Variants in SNTG1 observed in about 807,000 individuals in gnomAD.
SNTG1 encodes syntrophin gamma 1, also known as gamma-1-syntrophin.
Under a neutral mutation model 74.7 loss-of-function variants are expected in SNTG1, and 39 were observed. That is an observed-to-expected ratio of 0.52 (90% CI 0.40 to 0.68). The LOEUF is 0.68. Among genes scored for constraint, SNTG1 ranks in the 30% least tolerant of loss-of-function variants. The pLI is 0.00. For missense variants in SNTG1, 685 were observed against 609.5 expected, an observed-to-expected ratio of 1.12 and a Z score of -1.30; for synonymous variants, 254 against 217.1, an observed-to-expected ratio of 1.17 and a Z score of -1.49.
intron 1 of SNTG1, among the ~76,000 whole-genome samples, chr8:50,115,229 A>G (rs10096911): frequency 0.013 from 1,961 of 152,110 alleles, 56 homozygotes; most frequent in African/African-American, 0.043. Flanking sequence ...GAGAATGGTG[A>G]TTAAATTCTA....
At chr8:50,728,844 C>T (rs2095506168) in intron 17 of SNTG1, among the ~76,000 whole-genome samples, 1 of 152,108 alleles carries the variant, frequency 6.6e-6, no homozygotes, top group Non-Finnish European at 1.5e-5. Context: ...AATCTTTCAC[C>T]TCTGTCCATG....
chr8:50,703,082 T>C (rs1253519827), intron 15 of SNTG1, among the ~76,000 whole-genome samples: 1 of 152,186 alleles, frequency 6.6e-6, no homozygotes, highest in Non-Finnish European at 1.5e-5. Flanking sequence ...TTATAAATAC[T>C]GAGCACTTAG....
intron 2 of SNTG1, among the ~76,000 whole-genome samples, chr8:50,351,479 C>A (rs2091659315): frequency 6.6e-6 from 1 of 152,160 alleles, no homozygotes; most frequent in African/African-American, 2.4e-5. Flanking sequence ...GATTAATGTA[C>A]TTTCTTTTTA....
intron 2 of SNTG1, among the ~76,000 whole-genome samples, chr8:50,356,757 G>A (rs2091827373): frequency 2.0e-5 from 3 of 152,070 alleles, no homozygotes; most frequent in Admixed American, 2.0e-4. Context: ...CATTATATGG[G>A]CCATTCAGTT....
chr8:50,740,641 A>G (rs1378944843), intron 17 of SNTG1, among the ~76,000 whole-genome samples: 1 of 151,212 alleles, frequency 6.6e-6, no homozygotes, highest in African/African-American at 2.4e-5. Flanking sequence ...ATTACTGAGT[A>G]TATACTCAAA....
chr8:50,572,731 T>C (rs929547535), intron 12 of SNTG1, among the ~76,000 whole-genome samples: 1 of 152,128 alleles, frequency 6.6e-6, no homozygotes, highest in Non-Finnish European at 1.5e-5. Flanking sequence ...CAGTTAGAGG[T>C]GATATATGGT....
intron 2 of SNTG1, among the ~76,000 whole-genome samples, chr8:50,296,317 C>T (rs1165361067): frequency 6.6e-6 from 1 of 152,112 alleles, no homozygotes; most frequent in African/African-American, 2.4e-5. Flanking sequence ...TGCACATATA[C>T]TTTTATTGCA....
chr8:50,526,910 C>T (rs1359153408), intron 9 of SNTG1, among the ~76,000 whole-genome samples: 1 of 152,116 alleles, frequency 6.6e-6, no homozygotes, highest in Non-Finnish European at 1.5e-5. Flanking sequence ...GCATGAGGCA[C>T]CGCGCCCGGC....
chr8:50,394,186 G>T (rs1348877653), intron 2 of SNTG1, 26 bp from the exon 3 acceptor site: 1 of 1,599,294 alleles, frequency 6.3e-7, no homozygotes. Context: ...TGTGCCTAAT[G>T]GCTTACCATT....
intron 13 of SNTG1, among the ~76,000 whole-genome samples, chr8:50,608,092 C>A (rs1481696565): frequency 6.6e-6 from 1 of 151,530 alleles, no homozygotes; most frequent in African/African-American, 2.4e-5. Flanking sequence ...GATTACAAAT[C>A]TTTCAATTTT....
intron 2 of SNTG1, among the ~76,000 whole-genome samples, chr8:50,370,991 G>A (rs2092255048): frequency 6.6e-6 from 1 of 152,088 alleles, no homozygotes; most frequent in Non-Finnish European, 1.5e-5. Context: ...ATAATTTTTT[G>A]ATAGGATAAT....
At chr8:50,096,370 C>T (rs919165919) in intron 1 of SNTG1, among the ~76,000 whole-genome samples, 11 of 152,206 alleles carry the variant, frequency 7.2e-5, no homozygotes, top group African/African-American at 2.6e-4. Flanking sequence ...AATCTTGGAG[C>T]TTCTGCAAAA....
chr8:50,297,703 A>C (rs1341803406), intron 2 of SNTG1, among the ~76,000 whole-genome samples: 1 of 152,138 alleles, frequency 6.6e-6, no homozygotes, highest in Non-Finnish European at 1.5e-5. Flanking sequence ...TCAGAATGGC[A>C]TGCAACCTAA....
intron 1 of SNTG1, among the ~76,000 whole-genome samples, chr8:49,941,931 A>C (rs1462917411): frequency 6.6e-6 from 1 of 152,214 alleles, no homozygotes; most frequent in Non-Finnish European, 1.5e-5. Flanking sequence ...CACTGGAGTA[A>C]AAATTTCGAG....
intron 17 of SNTG1, among the ~76,000 whole-genome samples, chr8:50,729,308 A>G (rs1369206603): frequency 6.6e-6 from 1 of 152,178 alleles, no homozygotes; most frequent in Non-Finnish European, 1.5e-5. Flanking sequence ...GTAGCCCTGG[A>G]TACATGGGAT....
intron 9 of SNTG1, among the ~76,000 whole-genome samples, chr8:50,517,512 C>T (rs1233513739): frequency 6.8e-6 from 1 of 147,058 alleles, no homozygotes; most frequent in Non-Finnish European, 1.5e-5. Flanking sequence ...GATAAAGAGT[C>T]AAGAACCACT....
At chr8:50,449,249 ACTTC>A (rs1427036673) in intron 5 of SNTG1, among the ~76,000 whole-genome samples, 1 of 152,142 alleles carries the variant, frequency 6.6e-6, no homozygotes, top group Non-Finnish European at 1.5e-5. Flanking sequence ...AGGTCTCTCT[ACTTC>A]CTTGGTATCC....
At chr8:50,282,884 T>C (rs1362295375) in intron 2 of SNTG1, among the ~76,000 whole-genome samples, 1 of 152,190 alleles carries the variant, frequency 6.6e-6, no homozygotes, top group Non-Finnish European at 1.5e-5. Flanking sequence ...ATGTTACCAA[T>C]TGTGTCCTGT....
chr8:50,114,968 T>C (rs2080755644), intron 1 of SNTG1, among the ~76,000 whole-genome samples: 1 of 152,220 alleles, frequency 6.6e-6, no homozygotes, highest in Non-Finnish European at 1.5e-5. Flanking sequence ...AATGTTTGCA[T>C]ATATCAAATC....
Sources: allele counts gnomAD v4.1 joint callset (sites outside exome capture counted in the v4.1 genomes callset), GRCh38; gene constraint gnomAD v4.1.1; transcripts MANE v1.5; gene names NCBI Gene and HGNC (gene_info 2026-07-23, HGNC 2026-07-21).